TEX2: variants seen among roughly 807,000 people sequenced by gnomAD.
TEX2 encodes testis expressed 2, also known as testis-expressed protein 2.
In TEX2, 53 loss-of-function variants were observed where a neutral mutation model predicts 106.9. The ratio of observed to expected loss-of-function variants is 0.50; its 90% confidence interval spans 0.40 to 0.62. The LOEUF is 0.62. Ranked by LOEUF, TEX2 falls within the 20% of genes least tolerant of loss-of-function variation. TEX2 has a pLI of 0.00. For synonymous variants in TEX2, 523 were observed against 534.8 expected (o/e 0.98, Z 0.30); for missense variants, 1,207 against 1,379.0 (o/e 0.88, Z 1.98).
At chr17:64,181,326 A>C (rs1470716723) in intron 5 of TEX2, among the ~76,000 whole-genome samples, 2 of 151,908 alleles carry the variant, frequency 1.3e-5, no homozygotes, top group African/African-American at 2.4e-5. Context: ...AAATACAAAA[A>C]TTAGCTGGGT....
At chr17:64,251,841 A>T (rs2034098816) in intron 1 of TEX2, among the ~76,000 whole-genome samples, 1 of 152,150 alleles carries the variant, frequency 6.6e-6, no homozygotes, top group Admixed American at 6.5e-5. Context: ...TTTAGTGTCC[A>T]CCAGGTAGTA....
chr17:64,210,429 T>C (rs974721320), intron 2 of TEX2, among the ~76,000 whole-genome samples: 1 of 152,282 alleles, frequency 6.6e-6, no homozygotes, highest in South Asian at 2.1e-4. Context: ...TATGCAGAAA[T>C]TTTAAAAACC....
At chr17:64,255,518 T>C (rs1480781131) in intron 1 of TEX2, among the ~76,000 whole-genome samples, 4 of 152,254 alleles carry the variant, frequency 2.6e-5, no homozygotes, top group Admixed American at 1.3e-4. Context: ...AATTGAGTAA[T>C]AGATGCCTGA....
At chr17:64,259,752 A>G (rs2034255332) in intron 1 of TEX2, among the ~76,000 whole-genome samples, 2 of 152,244 alleles carry the variant, frequency 1.3e-5, no homozygotes, top group South Asian at 4.1e-4. Flanking sequence ...AACCAGGGAC[A>G]TAAGTGATCT....
chr17:64,203,085 A>G lies in TEX2; in HGVS notation c.1645-7990T>C, dbSNP rs2032720774. Among the ~76,000 whole-genome samples, 2 of 152,242 alleles carry G rather than the reference A, an allele frequency of 1.3e-5. 1 individual carries two copies. The highest frequency in any genetic ancestry group is 4.1e-4 in the South Asian group (2 of 4,836). Reference sequence around the variant, plus strand: ...CCTTTTGCAAAATAATAAAGTCTGGAAGAACTACTACCGTGCTTTCAGTTA... The same window carrying G: ...CCTTTTGCAAAATAATAAAGTCTGGGAGAACTACTACCGTGCTTTCAGTTA... On this transcript the variant is annotated intron_variant, in intron 2 of 11. Transcript: ENST00000584379.
At chr17:64,211,706 G>GC (rs71297994) in intron 2 of TEX2, among the ~76,000 whole-genome samples, 1 of 151,994 alleles carries the variant, frequency 6.6e-6, no homozygotes, top group Non-Finnish European at 1.5e-5. Context: ...GGTATCCTTG[G>GC]GGGGGGTCCT....
At chr17:64,174,748 C>T (rs2143762075) in intron 6 of TEX2, among the ~76,000 whole-genome samples, 1 of 152,328 alleles carries the variant, frequency 6.6e-6, no homozygotes, top group African/African-American at 2.4e-5. Flanking sequence ...CTGACACAGG[C>T]ACAAGAGGCT....
intron 7 of TEX2, among the ~76,000 whole-genome samples, chr17:64,168,901 G>GTTTTT: frequency 2.8e-5 from 1 of 35,236 alleles, no homozygotes; most frequent in Middle Eastern, 0.02. Context: ...CATAGATGGT[G>GTTTTT]CTTTTTTTTT....
At chr17:64,253,495 C>T (rs2034131499) in intron 1 of TEX2, among the ~76,000 whole-genome samples, 1 of 151,940 alleles carries the variant, frequency 6.6e-6, no homozygotes, top group African/African-American at 2.4e-5. Context: ...ACCACTCAGA[C>T]TGCTGAGAGG....
chr17:64,187,078 CA>C (rs577224415), intron 5 of TEX2, among the ~76,000 whole-genome samples: 28 of 152,290 alleles, frequency 1.8e-4, no homozygotes, highest in African/African-American at 6.5e-4. Context: ...TCTCCGCTTA[CA>C]AAATGGAGAC....
chr17:64,203,394 C>G (rs2032731658), intron 2 of TEX2, among the ~76,000 whole-genome samples: 1 of 152,240 alleles, frequency 6.6e-6, no homozygotes. Context: ...TGAGGCCCCT[C>G]CTGTTGAAAA....
chr17:64,183,124 T>G (rs1474213157), intron 5 of TEX2, among the ~76,000 whole-genome samples: 1 of 152,222 alleles, frequency 6.6e-6, no homozygotes, highest in Non-Finnish European at 1.5e-5. Flanking sequence ...CAGGCTGGTC[T>G]TGAACTCCTG....
chr17:64,188,140 A>G lies in TEX2; in HGVS notation c.2424+28T>C. 4 of 1,594,884 alleles carry G rather than the reference A, an allele frequency of 2.5e-6. No homozygotes were observed. In the South Asian group the frequency reaches 4.4e-5, roughly 18 times the overall value. On this transcript the variant is annotated intron_variant, in intron 5 of 11. Coordinates refer to ENST00000584379, the MANE Select transcript of TEX2 (RefSeq NM_001288732.2). Reference sequence around the variant, plus strand: ...AAATGTGTCTAAGTCGAAAAGTGAAAAAGGTCCGGCCCAGCAGCCAGCTTT... The same window carrying G: ...AAATGTGTCTAAGTCGAAAAGTGAAGAAGGTCCGGCCCAGCAGCCAGCTTT...
At chr17:64,171,816 C>CA (rs2031413475) in intron 6 of TEX2, among the ~76,000 whole-genome samples, 1 of 151,198 alleles carries the variant, frequency 6.6e-6, no homozygotes, top group African/African-American at 2.4e-5. Context: ...CCAACTCTAC[C>CA]AAAAAATACA....
At chr17:64,203,798 G>A (rs1442737416) in intron 2 of TEX2, among the ~76,000 whole-genome samples, 4 of 152,090 alleles carry the variant, frequency 2.6e-5, no homozygotes, top group South Asian at 2.1e-4. Flanking sequence ...CGTTAATACC[G>A]TCCACATCCT....
chr17:64,151,243 G>A (rs1179534882), intron 10 of TEX2, among the ~76,000 whole-genome samples: 1 of 151,994 alleles, frequency 6.6e-6, no homozygotes, highest in African/African-American at 2.4e-5. Flanking sequence ...ATTGGTTTCT[G>A]TTTTTTTCTA....
At chr17:64,149,196 C>T in intron 11 of TEX2, 105 bp from the exon 12 acceptor site, 1 of 1,299,350 alleles carries the variant, frequency 7.7e-7, no homozygotes, top group East Asian at 2.5e-5. Flanking sequence ...TTTAAAAGTA[C>T]ATATAAAAAC....
chr17:64,242,846 G>C (rs1292361639), intron 1 of TEX2, among the ~76,000 whole-genome samples: 1 of 152,032 alleles, frequency 6.6e-6, no homozygotes, highest in African/African-American at 2.4e-5. Flanking sequence ...AACACGTTTG[G>C]AAGCCAAGGT....
At chr17:64,166,608 G>T (rs1228073057) in intron 7 of TEX2, among the ~76,000 whole-genome samples, 3 of 152,162 alleles carry the variant, frequency 2.0e-5, no homozygotes, top group Non-Finnish European at 1.5e-5. Flanking sequence ...AAAGAGCTAT[G>T]TTTTCTAAAT....
Sources: gnomAD v4.1 joint callset for allele counts (sites outside exome capture counted in the v4.1 genomes callset) on GRCh38, gnomAD v4.1.1 for gene constraint, MANE v1.5 for transcripts, NCBI Gene and HGNC (gene_info 2026-07-23, HGNC 2026-07-21) for gene names.